Variants in KCNAB1 observed in about 807,000 individuals in gnomAD.
KCNAB1 encodes voltage-gated potassium channel subunit beta-1.
Under a neutral mutation model 64.6 loss-of-function variants are expected in KCNAB1, and 35 were observed. That is an observed-to-expected ratio of 0.54 (90% confidence interval 0.41 to 0.72). The LOEUF (loss-of-function observed/expected upper bound fraction) is 0.72. Among genes scored for constraint, KCNAB1 ranks in the 30% least tolerant of loss-of-function variants. The pLI is 0.00. For synonymous variants in KCNAB1, 177 were observed against 183.8 expected, an observed-to-expected ratio of 0.96 and a Z score of 0.30; for missense variants, 401 against 512.9, an observed-to-expected ratio of 0.78 and a Z score of 2.11.
At chr3:156,489,700 A>G (rs981781618) in intron 8 of KCNAB1, among the ~76,000 whole-genome samples, 8 of 152,168 alleles carry the variant, frequency 5.3e-5, no homozygotes, top group South Asian at 2.1e-4. Flanking sequence ...ACAGAAATAG[A>G]AACTTCATTT....
intron 1 of KCNAB1, among the ~76,000 whole-genome samples, chr3:156,181,285 C>G (rs6441046): frequency 0.59 from 88,887 of 151,942 alleles, 26,792 homozygotes; most frequent in East Asian, 0.9. Context: ...GTCTAGCAGA[C>G]GAAACAACAC....
At chr3:156,339,110 T>A (rs1458618886) in intron 1 of KCNAB1, among the ~76,000 whole-genome samples, 1 of 152,114 alleles carries the variant, frequency 6.6e-6, no homozygotes, top group East Asian at 1.9e-4. Context: ...GGTCGGGGTA[T>A]GAATGATCCA....
intron 1 of KCNAB1, among the ~76,000 whole-genome samples, chr3:156,247,929 T>G (rs1717564890): frequency 6.6e-6 from 1 of 152,136 alleles, no homozygotes; most frequent in Non-Finnish European, 1.5e-5. Flanking sequence ...CAGTTCTCAA[T>G]TCCTTGAGGG....
chr3:156,382,774 G>A (rs1712262469), intron 1 of KCNAB1, among the ~76,000 whole-genome samples: 1 of 152,178 alleles, frequency 6.6e-6, no homozygotes, highest in Admixed American at 6.5e-5. Flanking sequence ...TTTCCCTCTG[G>A]CTTTGCAAGC....
intron 6 of KCNAB1, 74 bp downstream of exon 6, chr3:156,463,820 A>G (rs1033996219): frequency 1.1e-5 from 13 of 1,187,772 alleles, no homozygotes; most frequent in Non-Finnish European, 1.6e-5. Flanking sequence ...GTTATTTTAC[A>G]TATAACGTAC....
At chr3:156,213,634 A>C (rs965438415) in intron 1 of KCNAB1, among the ~76,000 whole-genome samples, 1 of 152,134 alleles carries the variant, frequency 6.6e-6, no homozygotes, top group African/African-American at 2.4e-5. Context: ...TCCTCCATGC[A>C]GGGTGGGGAT....
intron 3 of KCNAB1, among the ~76,000 whole-genome samples, chr3:156,455,039 CAG>C (rs1712296843): frequency 6.6e-6 from 1 of 152,168 alleles, no homozygotes; most frequent in Admixed American, 6.5e-5. Context: ...ATTGTACTTC[CAG>C]AGAGCATCTG....
At chr3:156,364,795 AC>A (rs1221603322) in intron 1 of KCNAB1, among the ~76,000 whole-genome samples, 3 of 152,122 alleles carry the variant, frequency 2.0e-5, no homozygotes, top group African/African-American at 7.2e-5. Flanking sequence ...CAACAAAAAA[AC>A]AAACAAACAA....
chr3:156,158,293 G>T (rs1236950548), intron 1 of KCNAB1, among the ~76,000 whole-genome samples: 1 of 151,580 alleles, frequency 6.6e-6, no homozygotes, highest in East Asian at 1.9e-4. Flanking sequence ...AAGATATATG[G>T]TTTTGAAATT....
intron 12 of KCNAB1, among the ~76,000 whole-genome samples, chr3:156,529,254 T>A (rs1337297973): frequency 1.3e-5 from 2 of 152,188 alleles, no homozygotes; most frequent in East Asian, 3.9e-4. Flanking sequence ...TATTGTATGA[T>A]TCCATTTAGA....
At chr3:156,343,783 A>T (rs1400908684) in intron 1 of KCNAB1, among the ~76,000 whole-genome samples, 3 of 152,334 alleles carry the variant, frequency 2.0e-5, no homozygotes, top group South Asian at 2.1e-4. Context: ...TAGCAACCTA[A>T]TGGCTAATTT....
At chr3:156,256,700 A>T (rs1718119783) in intron 1 of KCNAB1, among the ~76,000 whole-genome samples, 1 of 152,006 alleles carries the variant, frequency 6.6e-6, no homozygotes. Context: ...TTTTTACCCC[A>T]TGTGTGCTGA....
In KCNAB1 at chr3:156,514,404, G is replaced by C; in HGVS notation, c.699G>C (p.Met233Ile). Residue 233 changes from methionine (M) to isoleucine (I), a missense_variant, in exon 9 of 14, where the codon ATG becomes ATC. Coordinates refer to ENST00000490337, the MANE Select transcript of KCNAB1 (RefSeq NM_172160.3). ...RAMTHVINQG[M>I]AMYWGTSRWS... ...TGACACATGTGATAAACCAAGGCATGGCGATGTACTGGGGCACCTCGAGAT... is the reference window on the plus strand; with the variant it reads ...TGACACATGTGATAAACCAAGGCATCGCGATGTACTGGGGCACCTCGAGAT... The C allele has an allele frequency of 6.2e-7, 1 of 1,614,124 alleles. No homozygotes were observed. Among genetic ancestry groups the C allele is most frequent in the South Asian group, 1.1e-5 (1 of 91,080 alleles).
intron 1 of KCNAB1, among the ~76,000 whole-genome samples, chr3:156,257,857 G>A (rs1219101013): frequency 6.6e-6 from 1 of 152,144 alleles, no homozygotes; most frequent in Non-Finnish European, 1.5e-5. Flanking sequence ...TAAGCCTGTA[G>A]ACCTGGGAGC....
intron 2 of KCNAB1, among the ~76,000 whole-genome samples, chr3:156,446,278 T>TA (rs1215192027): frequency 6.6e-6 from 1 of 152,326 alleles, no homozygotes; most frequent in Non-Finnish European, 1.5e-5. Context: ...GTTTTGGGCT[T>TA]ACACCTATTT....
intron 1 of KCNAB1, among the ~76,000 whole-genome samples, chr3:156,248,476 T>C (rs1022305099): frequency 4.6e-5 from 7 of 150,978 alleles, no homozygotes; most frequent in Non-Finnish European, 3.0e-5. Context: ...GAGATTTTTT[T>C]TTTTTTTTTT....
At chr3:156,275,602 C>A (rs1206313791) in intron 1 of KCNAB1, among the ~76,000 whole-genome samples, 1 of 152,192 alleles carries the variant, frequency 6.6e-6, no homozygotes, top group Non-Finnish European at 1.5e-5. Context: ...ATCAACCAAG[C>A]TTACGGAATA....
At chr3:156,321,526 G>A (rs1268320864) in intron 1 of KCNAB1, among the ~76,000 whole-genome samples, 1 of 152,220 alleles carries the variant, frequency 6.6e-6, no homozygotes, top group African/African-American at 2.4e-5. Flanking sequence ...TCTCAGCTGC[G>A]ATACTAGGCT....
At chr3:156,514,743 C>T (rs1210538426) in intron 9 of KCNAB1, among the ~76,000 whole-genome samples, 1 of 152,206 alleles carries the variant, frequency 6.6e-6, no homozygotes, top group Non-Finnish European at 1.5e-5. Context: ...ATTAACTATA[C>T]TGTTTATACC....
Sources: gnomAD v4.1 joint callset for allele counts (sites outside exome capture counted in the v4.1 genomes callset) on GRCh38, gnomAD v4.1.1 for gene constraint, MANE v1.5 for transcripts, NCBI Gene and HGNC (gene_info 2026-07-23, HGNC 2026-07-21) for gene names.